Variants in CAMK1D observed in about 807,000 individuals in gnomAD.
The protein encoded by CAMK1D is calcium/calmodulin-dependent protein kinase type 1D.
A neutral mutation model predicts 47.7 loss-of-function variants in CAMK1D; 9 were observed. The ratio of observed to expected loss-of-function variants is 0.19; its 90% CI spans 0.11 to 0.33. CAMK1D has a LOEUF of 0.33. Ranked by LOEUF, CAMK1D falls within the 10% of genes least tolerant of loss-of-function variation. The pLI is 1.00. For missense variants in CAMK1D, 291 were observed against 488.7 expected (o/e 0.60, Z 3.81); for synonymous variants, 184 against 184.9 (o/e 0.99, Z 0.04).
chr10:12,390,440 T>A (rs1588433556), intron 1 of CAMK1D, among the ~76,000 whole-genome samples: 1 of 152,156 alleles, frequency 6.6e-6, no homozygotes, highest in South Asian at 2.1e-4. Context: ...AGAAGAGACA[T>A]TGTATCTCTA....
intron 1 of CAMK1D, among the ~76,000 whole-genome samples, chr10:12,475,548 T>C (rs924756016): frequency 1.3e-5 from 2 of 152,190 alleles, no homozygotes; most frequent in African/African-American, 4.8e-5. Flanking sequence ...CCCGGGTTGC[T>C]TCTACCTGTT....
At chr10:12,827,364 T>C (rs577491379) in intron 10 of CAMK1D, among the ~76,000 whole-genome samples, 1,703 of 52,028 alleles carry the variant, frequency 0.033, 35 homozygotes, top group African/African-American at 0.091. Context: ...CTTTCTTTCT[T>C]TCTCTTTCTT....
intron 1 of CAMK1D, among the ~76,000 whole-genome samples, chr10:12,355,964 T>C (rs1006195993): frequency 3.9e-5 from 6 of 151,986 alleles, no homozygotes; most frequent in African/African-American, 1.5e-4. Flanking sequence ...GAGGTGACGC[T>C]TGAATGCAGA....
chr10:12,824,546 A>G lies in CAMK1D; in HGVS notation c.915A>G (p.Lys305=), dbSNP rs1833129251. The G allele has an allele frequency of 6.2e-7, 1 of 1,613,658 alleles. No individual in the cohort carries two copies. The highest frequency in any genetic ancestry group is 1.3e-5 in the African/African-American group (1 of 75,030). The change falls in exon 9 of 11, where the codon AAA becomes AAG. Residue 305 remains lysine, a synonymous_variant. Coordinates refer to ENST00000619168, the MANE Select transcript of CAMK1D (RefSeq NM_153498.4). The part of the protein sequence containing the change: ...AQIRKNFAKS[K]WRQAFNATAV... Reference sequence around the variant, plus strand: ...TCCGGAAAAACTTTGCCAAGAGCAAATGGAGAGTAAGTGTGGAGTATATGA... The same window carrying G: ...TCCGGAAAAACTTTGCCAAGAGCAAGTGGAGAGTAAGTGTGGAGTATATGA...
intron 2 of CAMK1D, among the ~76,000 whole-genome samples, chr10:12,624,300 A>G (rs1839137322): frequency 6.6e-6 from 1 of 152,108 alleles, no homozygotes; most frequent in Non-Finnish European, 1.5e-5. Flanking sequence ...TAGATGTGCA[A>G]TACATTATTG....
chr10:12,596,573 C>T (rs1362587060), intron 2 of CAMK1D, among the ~76,000 whole-genome samples: 2 of 152,176 alleles, frequency 1.3e-5, no homozygotes, highest in Non-Finnish European at 2.9e-5. Flanking sequence ...GTTTGAGCTA[C>T]TCCTAGGTAC....
intron 2 of CAMK1D, among the ~76,000 whole-genome samples, chr10:12,627,481 C>G (rs1346639416): frequency 6.6e-6 from 1 of 152,082 alleles, no homozygotes; most frequent in African/African-American, 2.4e-5. Flanking sequence ...AATCATTACC[C>G]CAGTCAAGGT....
chr10:12,745,406 C>T (rs749749079), intron 3 of CAMK1D, among the ~76,000 whole-genome samples: 5 of 152,082 alleles, frequency 3.3e-5, no homozygotes, highest in East Asian at 1.9e-4. Context: ...CATGCGTGTG[C>T]GCACGCACAC....
chr10:12,633,145 T>C (rs867139496), intron 2 of CAMK1D, among the ~76,000 whole-genome samples: 14 of 152,268 alleles, frequency 9.2e-5, no homozygotes, highest in South Asian at 4.1e-4. Context: ...GGAGAAGCCA[T>C]GCGTTTGGAT....
At position 12,737,294 on chromosome 10, in the gene CAMK1D, A is replaced by G. The variant is rs58054287; in HGVS notation, c.300-23654A>G. The stretch of plus-strand genomic sequence containing the variant: ...GGGCAGCAGCCTCTTGACAGTTTCC[A>G]TACCCCCATTATTTCCCCTAACCTG... On this transcript the variant is annotated intron_variant, in intron 3 of 10. Transcript: ENST00000619168. Among the ~76,000 whole-genome samples the G allele has an allele frequency of 7.4e-3, 1,118 of 152,044 alleles. 18 individuals are homozygous for G. Among genetic ancestry groups the G allele is most frequent in the African/African-American group, 0.026 (1,060 of 41,456 alleles).
chr10:12,406,590 G>A lies in CAMK1D; in HGVS notation c.92+56680G>A, dbSNP rs138510268. On this transcript the variant is annotated intron_variant, in intron 1 of 10. Transcript: ENST00000619168. ...CCACAAAAATTATCAGGGCATGGTG[G>A]TGCAAGTCTGTAGTCTCAGCTGCTT... 7.0e-3 allele frequency among the ~76,000 whole-genome samples: 1,061 copies of A among 151,750 alleles called. 11 individuals are homozygous for A. The highest frequency in any genetic ancestry group is 8.9e-3 in the Non-Finnish European group (606 of 67,940).
chr10:12,357,970 T>G (rs1837564426), intron 1 of CAMK1D, among the ~76,000 whole-genome samples: 1 of 152,200 alleles, frequency 6.6e-6, no homozygotes, highest in African/African-American at 2.4e-5. Context: ...GTAGGTCAAG[T>G]TCATTCCGCC....
intron 1 of CAMK1D, among the ~76,000 whole-genome samples, chr10:12,538,036 A>G (rs1054739746): frequency 6.6e-6 from 1 of 152,188 alleles, no homozygotes; most frequent in African/African-American, 2.4e-5. Context: ...GAACAATGAC[A>G]CGACTTGTGT....
At chr10:12,583,921 G>C (rs1264908690) in intron 2 of CAMK1D, among the ~76,000 whole-genome samples, 1 of 152,100 alleles carries the variant, frequency 6.6e-6, no homozygotes, top group African/African-American at 2.4e-5. Context: ...TTTGAGGCCT[G>C]TGTGAGTGTA....
chr10:12,448,486 C>A (rs537180566), intron 1 of CAMK1D, among the ~76,000 whole-genome samples: 2 of 152,132 alleles, frequency 1.3e-5, no homozygotes, highest in Non-Finnish European at 2.9e-5. Context: ...TATGGGCCAC[C>A]ATGCCTGGCC....
chr10:12,810,030 C>A (rs919870378), intron 6 of CAMK1D, among the ~76,000 whole-genome samples: 1 of 151,300 alleles, frequency 6.6e-6, no homozygotes, highest in Non-Finnish European at 1.5e-5. Context: ...CACCTGTAGT[C>A]CCAGCTACTT....
chr10:12,406,543 CA>C (rs1031878339), intron 1 of CAMK1D, among the ~76,000 whole-genome samples: 6 of 150,510 alleles, frequency 4.0e-5, no homozygotes, highest in African/African-American at 1.2e-4. Flanking sequence ...CCTGTCTCTA[CA>C]AAAAACAAAA....
intron 1 of CAMK1D, among the ~76,000 whole-genome samples, chr10:12,427,944 G>A (rs1411483328): frequency 6.6e-6 from 1 of 151,634 alleles, no homozygotes; most frequent in Non-Finnish European, 1.5e-5. Context: ...CTGACCTTGT[G>A]ATCCTCCCAC....
intron 1 of CAMK1D, among the ~76,000 whole-genome samples, chr10:12,504,106 T>TGG (rs1011963781): frequency 3.6e-4 from 50 of 139,540 alleles, no homozygotes; most frequent in East Asian, 1.0e-3. Context: ...ACCAATAAGA[T>TGG]GGGTGTGTGT....
Sources: gnomAD v4.1 joint callset for allele counts (sites outside exome capture counted in the v4.1 genomes callset) on GRCh38, gnomAD v4.1.1 for gene constraint, MANE v1.5 for transcripts, NCBI Gene and HGNC (gene_info 2026-07-23, HGNC 2026-07-21) for gene names.